MBP: variants seen among roughly 807,000 people sequenced by gnomAD.
The protein encoded by MBP is myelin basic protein.
MBP carries 16 observed loss-of-function variants against 35.8 expected under a neutral mutation model. That is an observed-to-expected ratio of 0.45 (90% confidence interval 0.30 to 0.68). The LOEUF is 0.68. MBP is among the 30% of genes least tolerant of loss of function. The pLI, the probability that MBP is intolerant of heterozygous loss-of-function variation, is 0.08. For synonymous variants in MBP, 143 were observed against 159.6 expected (o/e 0.90, Z 0.78); for missense variants, 380 against 404.7 (o/e 0.94, Z 0.52).
intron 3 of MBP, among the ~76,000 whole-genome samples, chr18:77,061,160 C>A (rs1423411859): frequency 6.6e-6 from 1 of 152,156 alleles, no homozygotes; most frequent in Non-Finnish European, 1.5e-5. Context: ...GCTTGCAATG[C>A]GGAAGATTCA....
chr18:77,043,028 C>T (rs1973080955), intron 3 of MBP, among the ~76,000 whole-genome samples: 1 of 152,176 alleles, frequency 6.6e-6, no homozygotes, highest in Admixed American at 6.5e-5. Flanking sequence ...TGAGCTACTT[C>T]TAGATATACA....
At chr18:77,096,356 A>T (rs1975757302) in intron 2 of MBP, among the ~76,000 whole-genome samples, 1 of 152,188 alleles carries the variant, frequency 6.6e-6, no homozygotes, top group Non-Finnish European at 1.5e-5. Context: ...GGTTTTAATG[A>T]TAATTAAATA....
chr18:77,041,282 G>T (rs1972979098), intron 3 of MBP, among the ~76,000 whole-genome samples: 1 of 152,100 alleles, frequency 6.6e-6, no homozygotes, highest in South Asian at 2.1e-4. Flanking sequence ...GAAACAACAG[G>T]TGCTGGAGAG....
At chr18:77,062,199 A>AAG (rs750846771) in intron 3 of MBP, among the ~76,000 whole-genome samples, 26 of 152,290 alleles carry the variant, frequency 1.7e-4, no homozygotes, top group African/African-American at 6.3e-4. Context: ...AGGGAGACCT[A>AAG]AGACTTCGCT....
In MBP at chr18:77,020,159, G is replaced by A. The variant is rs1283460638; in HGVS notation, c.140-2891C>T. Among the ~76,000 whole-genome samples the A allele has an allele frequency of 1.3e-5, 2 of 152,036 alleles. No individual in the cohort carries two copies. Among genetic ancestry groups the A allele is most frequent in the African/African-American group, 2.4e-5 (1 of 41,380 alleles). ...AGATGGTGGTACCCAGAGGCCGGGG[G>A]CACCTTGGCTTCCATCCTGAGCAAT... On this transcript the variant is annotated intron_variant, in intron 3 of 8. Transcript: ENST00000355994. The surrounding 1 kb of genome is among the most constrained non-coding windows in gnomAD (Gnocchi z 4.1).
At chr18:77,073,644 C>A (rs544954879) in intron 2 of MBP, among the ~76,000 whole-genome samples, 1 of 152,342 alleles carries the variant, frequency 6.6e-6, no homozygotes, top group East Asian at 1.9e-4. Context: ...CAGATAGACA[C>A]TCTCTCTATC....
At chr18:77,075,510 C>G (rs1354073247) in intron 2 of MBP, among the ~76,000 whole-genome samples, 1 of 152,178 alleles carries the variant, frequency 6.6e-6, no homozygotes, top group African/African-American at 2.4e-5. Flanking sequence ...TGGAGTGGCG[C>G]TGAAGCTCCC....
chr18:77,018,762 ATC>A (rs1971826464), intron 3 of MBP, among the ~76,000 whole-genome samples: 1 of 145,964 alleles, frequency 6.9e-6, no homozygotes, highest in African/African-American at 2.7e-5. Context: ...CCATCCATCC[ATC>A]CATCCATCCA....
chr18:76,998,087 G>C (rs576390913), intron 4 of MBP, among the ~76,000 whole-genome samples: 1 of 152,106 alleles, frequency 6.6e-6, no homozygotes, highest in Admixed American at 6.6e-5. Context: ...CATCACATTC[G>C]CACTGTTGTA....
chr18:77,093,965 A>T (rs11659352), intron 2 of MBP, among the ~76,000 whole-genome samples: 31,886 of 147,454 alleles, frequency 0.22, 3,815 homozygotes, highest in Non-Finnish European at 0.28. Context: ...GGGTTTTTAA[A>T]GGGTCTTTTT....
chr18:77,089,223 C>T lies in MBP; in HGVS notation c.51+15988G>A, dbSNP rs79760066. 3.6e-3 allele frequency among the ~76,000 whole-genome samples: 545 copies of T among 152,374 alleles called. 17 individuals are homozygous for T. The East Asian group carries it at 0.076, about 21-fold the overall frequency. On this transcript the variant is annotated intron_variant, in intron 2 of 8. Transcript: ENST00000355994. ...TCCTAGGTGTGACCCCTGTGTGGCC[C>T]TGGCTGGCAGGCCCTGTCTCCCTCC...
chr18:77,075,145 T>G (rs1974602402), intron 2 of MBP, among the ~76,000 whole-genome samples: 1 of 152,224 alleles, frequency 6.6e-6, no homozygotes, highest in African/African-American at 2.4e-5. Context: ...GTGGAATCAC[T>G]GAAGTATCTA....
At chr18:77,118,696 C>G (rs1016978747) in intron 1 of MBP, among the ~76,000 whole-genome samples, 19 of 144,732 alleles carry the variant, frequency 1.3e-4, no homozygotes, top group African/African-American at 4.9e-4. Context: ...CACACACACT[C>G]CACACACCCC....
At chr18:77,112,159 C>T (rs1477753567) in intron 1 of MBP, among the ~76,000 whole-genome samples, 3 of 76,730 alleles carry the variant, frequency 3.9e-5, no homozygotes, top group Non-Finnish European at 5.7e-5. Context: ...AGAATGAACA[C>T]CGTGCACACG....
intron 3 of MBP, among the ~76,000 whole-genome samples, chr18:77,055,104 A>C (rs1036049953): frequency 6.6e-6 from 1 of 152,216 alleles, no homozygotes; most frequent in African/African-American, 2.4e-5. Context: ...CACATCGTGG[A>C]TGGAGACAGA....
intron 3 of MBP, among the ~76,000 whole-genome samples, chr18:77,042,672 T>C (rs1161836272): frequency 8.5e-5 from 13 of 152,332 alleles, no homozygotes; most frequent in Non-Finnish European, 4.4e-5. Flanking sequence ...TTACTGTCCC[T>C]GGAGGTCGCA....
At chr18:77,016,180 T>C (rs550595692) in intron 4 of MBP, 99 of 984,590 alleles carry the variant, frequency 1.0e-4, no homozygotes, top group Non-Finnish European at 1.1e-4. Context: ...TACATTTTTA[T>C]CCACATTTGC....
At position 77,101,445 on chromosome 18, in the gene MBP, C is replaced by A. The variant is rs566653403; in HGVS notation, c.51+3766G>T. On this transcript the variant is annotated intron_variant, in intron 2 of 8. Transcript: ENST00000355994. The surrounding 1 kb of genome is among the most constrained non-coding windows in gnomAD (Gnocchi z 4.3). ...GAAGGAGCGCTGTGCCCTGAACCTG[C>A]GCCTGCCTGGAGGAAGTTACACTCC... is the stretch of plus-strand genomic sequence containing the variant. Among the ~76,000 whole-genome samples, 1 of 152,338 alleles carries A rather than the reference C, an allele frequency of 6.6e-6. No homozygotes were observed. The highest frequency in any genetic ancestry group is 1.9e-4 in the East Asian group (1 of 5,180).
chr18:77,055,726 G>T (rs967607871), intron 3 of MBP, among the ~76,000 whole-genome samples: 4 of 152,086 alleles, frequency 2.6e-5, no homozygotes, highest in South Asian at 4.2e-4. Context: ...TTGTTTTCAG[G>T]TAAAGCAAAC....
Sources: gnomAD v4.1 joint callset for allele counts (sites outside exome capture counted in the v4.1 genomes callset) on GRCh38, gnomAD v4.1.1 for gene constraint, Gnocchi (gnomAD v3.1) non-coding constraint, MANE v1.5 for transcripts, NCBI Gene and HGNC (gene_info 2026-07-23, HGNC 2026-07-21) for gene names.